Variants in ARHGEF7 observed in about 807,000 individuals in gnomAD.
ARHGEF7 encodes PAK-interacting exchange factor beta.
A neutral mutation model predicts 109.8 loss-of-function variants in ARHGEF7; 33 were observed. The ratio of observed to expected loss-of-function variants is 0.30; its 90% CI spans 0.23 to 0.40. The LOEUF is 0.40. ARHGEF7 is among the 10% of genes least tolerant of loss of function. The pLI is 1.00. For synonymous variants in ARHGEF7, 458 were observed against 424.6 expected, an observed-to-expected ratio of 1.08 and a Z score of -0.97; for missense variants, 938 against 1,098.5, an observed-to-expected ratio of 0.85 and a Z score of 2.07.
intron 9 of ARHGEF7, among the ~76,000 whole-genome samples, chr13:111,270,534 TAGA>T (rs1195383766): frequency 1.3e-5 from 2 of 152,228 alleles, no homozygotes; most frequent in East Asian, 1.9e-4. Context: ...TTGTGGATAT[TAGA>T]AGGAGTTTTG....
intron 5 of ARHGEF7, among the ~76,000 whole-genome samples, chr13:111,221,570 GATACATATCT>G (rs2084359719): frequency 3.2e-5 from 2 of 63,270 alleles, no homozygotes; most frequent in Non-Finnish European, 6.4e-5. Flanking sequence ...TATATATATA[GATACATATCT>G]ATATATATCT....
intron 19 of ARHGEF7, chr13:111,295,146 T>TA (rs201571809): frequency 0.027 from 26,134 of 985,096 alleles, 395 homozygotes; most frequent in Non-Finnish European, 0.029. Flanking sequence ...TGTTTTATAT[T>TA]AAAAAAAACC....
intron 19 of ARHGEF7, chr13:111,293,865 G>T: frequency 1.0e-6 from 1 of 985,344 alleles, no homozygotes; most frequent in Non-Finnish European, 1.2e-6. Flanking sequence ...CTTGTCCTGG[G>T]AGCCGGGTCC....
intron 3 of ARHGEF7, 96 bp from the exon 4 acceptor site, chr13:111,209,776 C>T (rs930463260): frequency 7.8e-5 from 111 of 1,426,114 alleles, no homozygotes; most frequent in Non-Finnish European, 9.9e-5. Context: ...TGGTGTGTCC[C>T]TCTGTGCTGC....
chr13:111,151,575 T>C (rs900041016), intron 1 of ARHGEF7, among the ~76,000 whole-genome samples: 1 of 152,242 alleles, frequency 6.6e-6, no homozygotes, highest in Non-Finnish European at 1.5e-5. Flanking sequence ...ACACTATAGA[T>C]GTTACTTTAG....
intron 1 of ARHGEF7, among the ~76,000 whole-genome samples, chr13:111,149,062 T>C (rs1259666317): frequency 1.3e-5 from 2 of 151,994 alleles, no homozygotes; most frequent in East Asian, 3.9e-4. Context: ...AAAGTGATAG[T>C]CATTCAGGGG....
Position 111,186,776 on chromosome 13 carries a change from G to A in ARHGEF7, c.253-18513G>A, listed in dbSNP as rs575476909. 1.0e-4 allele frequency: 103 copies of A among 983,764 alleles called. 1 individual carries two copies. The African/African-American group carries it at 1.5e-3, about 15-fold the overall frequency. The allele number at this position is 983,764 out of a possible 1,614,324, so 60.9% of individuals were successfully genotyped here. A position where few individuals can be genotyped will look rare whatever the true frequency, so the allele number is the denominator to read the frequency against. On this transcript the variant is annotated intron_variant, in intron 2 of 21. Transcript: ENST00000646102. ...AGGAGGCGAGCTGACTGGTGGCAAC[G>A]CAGACCACTAAAGCTTCAGTGAGCC...
At chr13:111,253,429 C>T (rs923966860) in intron 8 of ARHGEF7, among the ~76,000 whole-genome samples, 2 of 152,204 alleles carry the variant, frequency 1.3e-5, no homozygotes, top group African/African-American at 4.8e-5. Context: ...CAGAAGCCCT[C>T]TTATGGAACA....
chr13:111,135,906 C>T (rs2075061009), intron 1 of ARHGEF7, among the ~76,000 whole-genome samples: 1 of 152,114 alleles, frequency 6.6e-6, no homozygotes, highest in African/African-American at 2.4e-5. Context: ...AGTTTTTGCC[C>T]ATTCAGTATG....
At chr13:111,133,586 T>A (rs2074901073) in intron 1 of ARHGEF7, among the ~76,000 whole-genome samples, 1 of 151,102 alleles carries the variant, frequency 6.6e-6, no homozygotes, top group South Asian at 2.1e-4. Context: ...TTTTCCAAGT[T>A]GTCTTCAAGT....
intron 1 of ARHGEF7, among the ~76,000 whole-genome samples, chr13:111,117,021 C>A (rs2066835610): frequency 6.6e-6 from 1 of 152,204 alleles, no homozygotes. Context: ...CAGGAGCTGA[C>A]TTTCAAGGCA....
At chr13:111,226,211 A>G (rs751912173) in intron 5 of ARHGEF7, among the ~76,000 whole-genome samples, 37 of 152,254 alleles carry the variant, frequency 2.4e-4, no homozygotes, top group Non-Finnish European at 4.8e-4. Flanking sequence ...AGGAAGCTGC[A>G]GAAAAAGAGT....
intron 5 of ARHGEF7, among the ~76,000 whole-genome samples, chr13:111,232,058 G>A (rs1007166764): frequency 1.3e-5 from 2 of 152,116 alleles, no homozygotes; most frequent in African/African-American, 2.4e-5. Context: ...TGTACAGAAC[G>A]TAGAATCAAT....
At chr13:111,168,463 A>G (rs568697781) in intron 2 of ARHGEF7, among the ~76,000 whole-genome samples, 11 of 152,200 alleles carry the variant, frequency 7.2e-5, no homozygotes, top group South Asian at 4.1e-4. Context: ...TTTTCCTTCC[A>G]TGTCTTTATG....
At chr13:111,153,021 T>C (rs2075977540) in intron 1 of ARHGEF7, among the ~76,000 whole-genome samples, 1 of 152,236 alleles carries the variant, frequency 6.6e-6, no homozygotes, top group South Asian at 2.1e-4. Flanking sequence ...TCAGCTGACT[T>C]ACTGGTTTTC....
At chr13:111,257,756 GAA>G (rs1476456361) in intron 8 of ARHGEF7, among the ~76,000 whole-genome samples, 2 of 152,232 alleles carry the variant, frequency 1.3e-5, no homozygotes, top group Non-Finnish European at 2.9e-5. Flanking sequence ...AGCACAGAGA[GAA>G]AACCTGTGCA....
chr13:111,234,338 C>T (rs540340838), intron 6 of ARHGEF7, among the ~76,000 whole-genome samples: 276 of 152,302 alleles, frequency 1.8e-3, no homozygotes, highest in Non-Finnish European at 3.7e-4. Context: ...CTCTCAGCTT[C>T]CTCCTGAGTG....
rs1279196271 is a variant in ARHGEF7 at position 111,131,695 on chromosome 13, C to T, written c.165+16004C>T. On this transcript the variant is annotated intron_variant, in intron 1 of 21. Coordinates refer to ENST00000646102, the MANE Select transcript of ARHGEF7 (RefSeq NM_001354046.2). This position sits in a 1 kb window ranked among gnomAD's most constrained non-coding sequence, Gnocchi z 4.4. ...CGGGCAGTGACCTGAGGTCAGGGGA[C>T]GAGAGTGCTGGTGTGTTTCTGAGAG... Among the ~76,000 whole-genome samples the T allele has an allele frequency of 6.6e-6, 1 of 151,972 alleles. No homozygotes were observed. Among genetic ancestry groups the T allele is most frequent in the East Asian group, 1.9e-4 (1 of 5,180 alleles).
At chr13:111,190,684 G>T (rs1389537515) in intron 2 of ARHGEF7, among the ~76,000 whole-genome samples, 1 of 152,116 alleles carries the variant, frequency 6.6e-6, no homozygotes, top group Non-Finnish European at 1.5e-5. Context: ...GAGCTTTGAG[G>T]GGTACTGATA....
Sources: gnomAD v4.1 joint callset for allele counts (sites outside exome capture counted in the v4.1 genomes callset) on GRCh38, gnomAD v4.1.1 for gene constraint, Gnocchi (gnomAD v3.1) non-coding constraint, MANE v1.5 for transcripts, NCBI Gene and HGNC (gene_info 2026-07-23, HGNC 2026-07-21) for gene names.